DENND2B: variants seen among roughly 807,000 people sequenced by gnomAD.
DENND2B encodes the protein DENN domain-containing protein 2B.
Under a neutral mutation model 116.0 loss-of-function variants are expected in DENND2B, and 32 were observed. That is an observed-to-expected ratio of 0.28 (90% CI 0.21 to 0.37). DENND2B has a LOEUF of 0.37. DENND2B is among the 10% of genes least tolerant of loss of function. The pLI is 1.00. For synonymous variants in DENND2B, 588 were observed against 583.9 expected, an observed-to-expected ratio of 1.01 and a Z score of -0.10; for missense variants, 1,276 against 1,477.7, an observed-to-expected ratio of 0.86 and a Z score of 2.24.
chr11:8,900,799 T>G (rs1200662536), intron 1 of DENND2B, among the ~76,000 whole-genome samples: 1 of 151,686 alleles, frequency 6.6e-6, no homozygotes, highest in Non-Finnish European at 1.5e-5. Context: ...AAACCCTCTC[T>G]CTACTAAAAA....
chr11:8,792,512 A>G (rs1359916673), intron 1 of DENND2B, among the ~76,000 whole-genome samples: 1 of 152,226 alleles, frequency 6.6e-6, no homozygotes, highest in East Asian at 1.9e-4. Context: ...ATTGGGGGAA[A>G]AATTATCAGC....
intron 3 of DENND2B, among the ~76,000 whole-genome samples, chr11:8,854,189 C>A (rs2063116025): frequency 6.7e-6 from 1 of 150,250 alleles, no homozygotes; most frequent in Admixed American, 6.6e-5. Flanking sequence ...TTTAAAAGAA[C>A]CTATTTATTT....
intron 4 of DENND2B, among the ~76,000 whole-genome samples, chr11:8,719,636 T>TG (rs1268991729): frequency 1.3e-5 from 2 of 152,182 alleles, no homozygotes; most frequent in African/African-American, 4.8e-5. Flanking sequence ...TACCCCACTG[T>TG]GGGGCACTTA....
chr11:8,886,156 A>G (rs2063958457), intron 1 of DENND2B, among the ~76,000 whole-genome samples: 1 of 152,116 alleles, frequency 6.6e-6, no homozygotes, highest in Admixed American at 6.6e-5. Flanking sequence ...GCTGGTGTCA[A>G]ACTCCTGGGG....
At chr11:8,766,962 T>G (rs975757019) in intron 1 of DENND2B, among the ~76,000 whole-genome samples, 1 of 144,282 alleles carries the variant, frequency 6.9e-6, no homozygotes, top group Admixed American at 6.8e-5. Flanking sequence ...GGAAGGATGG[T>G]GGGGAGGCAG....
chr11:8,856,500 T>C (rs2063197249), intron 3 of DENND2B, among the ~76,000 whole-genome samples: 1 of 152,218 alleles, frequency 6.6e-6, no homozygotes, highest in Non-Finnish European at 1.5e-5. Flanking sequence ...ACTACCTGAA[T>C]GGGCCTAGGC....
intron 8 of DENND2B, among the ~76,000 whole-genome samples, chr11:8,713,691 C>CCAG (rs1364458542): frequency 7.2e-5 from 11 of 152,122 alleles, no homozygotes; most frequent in African/African-American, 2.7e-4. Flanking sequence ...AGATCTACAA[C>CCAG]ATTTACCAGG....
intron 4 of DENND2B, chr11:8,718,219 CCAG>C: frequency 1.1e-6 from 1 of 870,776 alleles, no homozygotes; most frequent in Non-Finnish European, 1.8e-6. Context: ...GAGGACAAAG[CCAG>C]CAACAAGAGT....
At chr11:8,800,076 C>T (rs1049018059) in intron 1 of DENND2B, among the ~76,000 whole-genome samples, 5 of 151,956 alleles carry the variant, frequency 3.3e-5, no homozygotes, top group Non-Finnish European at 4.4e-5. Flanking sequence ...ACCTCAGCCT[C>T]CCAAGTAGCT....
At chr11:8,697,503 C>T (rs200122628) in intron 17 of DENND2B, 22 bp downstream of exon 17, 42 of 1,592,506 alleles carry the variant, frequency 2.6e-5, no homozygotes, top group Middle Eastern at 1.8e-4. Flanking sequence ...CAGAGCTGAC[C>T]GTGCCCGGGC....
intron 4 of DENND2B, among the ~76,000 whole-genome samples, chr11:8,833,151 C>T (rs559375776): frequency 7.2e-5 from 11 of 152,320 alleles, no homozygotes; most frequent in African/African-American, 2.6e-4. Context: ...GCTTGATTCT[C>T]TCAGTCATGC....
chr11:8,853,135 G>A (rs1194200187), intron 3 of DENND2B, among the ~76,000 whole-genome samples: 3 of 152,136 alleles, frequency 2.0e-5, no homozygotes, highest in Non-Finnish European at 4.4e-5. Flanking sequence ...AGGATGAGGC[G>A]GGTGGATCAC....
At chr11:8,779,892 C>T (rs543377847) in intron 1 of DENND2B, among the ~76,000 whole-genome samples, 2 of 152,318 alleles carry the variant, frequency 1.3e-5, no homozygotes, top group East Asian at 3.9e-4. Context: ...ACTTCCTAAA[C>T]TCAAAAACAT....
At chr11:8,879,409 C>T (rs970201955) in intron 2 of DENND2B, among the ~76,000 whole-genome samples, 35 of 152,302 alleles carry the variant, frequency 2.3e-4, no homozygotes, top group African/African-American at 8.4e-4. Flanking sequence ...GTTATTGCAG[C>T]ATAAGCTTAG....
intron 2 of DENND2B, among the ~76,000 whole-genome samples, chr11:8,861,279 T>C (rs546761034): frequency 1.1e-4 from 17 of 152,254 alleles, no homozygotes; most frequent in Admixed American, 2.6e-4. Flanking sequence ...TTGCAAATTA[T>C]GCATCTGACA....
At chr11:8,904,978 T>C (rs2064217270) in intron 1 of DENND2B, among the ~76,000 whole-genome samples, 1 of 152,142 alleles carries the variant, frequency 6.6e-6, no homozygotes, top group Admixed American at 6.5e-5. Context: ...CAATTCTTCC[T>C]CAATTAATCT....
rs1300301052 is a variant in DENND2B, at chr11:8,699,362, C to T, written c.2749G>A (p.Val917Met). 1.9e-6 allele frequency: 3 copies of T among 1,605,534 alleles called. No homozygotes were observed. The highest frequency in any genetic ancestry group is 2.5e-6 in the Non-Finnish European group (3 of 1,177,928). ...CAGGAGAAGGGGTAGAGCAAGGCCA[C>T]CACCGCGTGGGAGCAGCTGGAGAGG... Reference protein sequence around the residue: ...STLSSCSHAVVALLYPFSWQH... With the variant: ...STLSSCSHAVMALLYPFSWQH... Residue 917 changes from valine to methionine, a missense_variant, in exon 15 of 20, where the codon GTG (valine) becomes ATG (methionine). Val to Met is a conservative substitution (Grantham distance 21). Transcript: ENST00000313726.
intron 4 of DENND2B, among the ~76,000 whole-genome samples, chr11:8,820,458 G>T (rs557896926): frequency 1.3e-5 from 2 of 152,132 alleles, no homozygotes; most frequent in Admixed American, 6.6e-5. Context: ...ATAAATGTCT[G>T]TTTCCAGCAC....
rs950152404 is a variant in DENND2B, at chr11:8,736,002, G to A, written c.81-4793C>T. Among the ~76,000 whole-genome samples the A allele has an allele frequency of 2.6e-5, 4 of 152,306 alleles. No homozygotes were observed. In the East Asian group the frequency reaches 7.7e-4, roughly 29 times the overall value. On this transcript the variant is annotated intron_variant, in intron 2 of 19. Coordinates refer to ENST00000313726, the MANE Select transcript of DENND2B (RefSeq NM_213618.2). ...CCCCTGTTGGACAAGAGGAGACCAC[G>A]GCCAAGAGAAGGGCAGGGCCTGCCT...
Sources: allele counts gnomAD v4.1 joint callset (sites outside exome capture counted in the v4.1 genomes callset), GRCh38; gene constraint gnomAD v4.1.1; transcripts MANE v1.5; gene names NCBI Gene and HGNC (gene_info 2026-07-23, HGNC 2026-07-21).